The following DPY19L4 variants were observed in gnomAD, a reference collection of about 807,000 sequenced individuals.
DPY19L4 encodes probable C-mannosyltransferase DPY19L4.
In DPY19L4, 97 loss-of-function variants were observed where a neutral mutation model predicts 102.8. That is an observed-to-expected ratio of 0.94 (90% CI 0.80 to 1.12). The LOEUF is 1.12. Ranked by LOEUF, DPY19L4 falls within the 50% of genes most tolerant of loss-of-function variation. The pLI is 0.00. For missense variants in DPY19L4, 815 were observed against 850.4 expected, an observed-to-expected ratio of 0.96 and a Z score of 0.52; for synonymous variants, 252 against 283.1, an observed-to-expected ratio of 0.89 and a Z score of 1.10.
chr8:94,720,014 G>A lies in DPY19L4; in HGVS notation c.16G>A (p.Gly6Arg). The A allele has an allele frequency of 6.5e-7, 1 of 1,531,990 alleles. No individual in the cohort carries two copies. Among genetic ancestry groups the A allele is most frequent in the Non-Finnish European group, 8.8e-7 (1 of 1,140,858 alleles). The allele number at this position is 1,531,990 out of a possible 1,614,324, so 94.9% of individuals were successfully genotyped here. Residue 6 changes from glycine to arginine, a missense_variant and splice_region_variant, in exon 1 of 19, where the codon GGA becomes AGA. Transcript: ENST00000414645. ...CGCAGAAACGATGGCGGAGGAAGAAGGTGATTGCCGCGGGGTCCAGCGCGC... is the reference window on the plus strand; with the variant it reads ...CGCAGAAACGATGGCGGAGGAAGAAAGTGATTGCCGCGGGGTCCAGCGCGC... MAEEE[G>R]PPVELRQRKK...
At position 94,722,949 on chromosome 8, in the gene DPY19L4, G is replaced by A. The variant is rs186561181; in HGVS notation, c.16+2935G>A. On this transcript the variant is annotated intron_variant, in intron 1 of 18. Transcript: ENST00000414645. ...GTGTTTATATTTATGCTTTCTGAAC[G>A]CAATGTTAGAGCAAAGAAAGAAGTG... 5.9e-5 allele frequency among the ~76,000 whole-genome samples: 9 copies of A among 152,258 alleles called. No homozygotes were observed. In the East Asian group the frequency reaches 1.5e-3, roughly 26 times the overall value.
chr8:94,770,517 T>A lies in DPY19L4; in HGVS notation c.1400T>A (p.Ile467Asn). 6.2e-7 allele frequency: 1 copy of A among 1,613,876 alleles called. No homozygotes were observed. Among genetic ancestry groups the A allele is most frequent in the Non-Finnish European group, 8.5e-7 (1 of 1,179,920 alleles). Residue 467 changes from isoleucine to asparagine, a missense_variant, in exon 13 of 19, where the codon ATT becomes AAT. Transcript: ENST00000414645. ...CGAATTGGAGAAAGACCAGAAATAA[T>A]TTATCATGTAATTCACACTATTTTA... is the stretch of plus-strand genomic sequence containing the variant. The part of the protein sequence containing the change: ...DGRIGERPEI[I>N]YHVIHTILLG...
At chr8:94,777,851 C>A in intron 14 of DPY19L4, 65 bp downstream of exon 14, 1 of 1,518,476 alleles carries the variant, frequency 6.6e-7, no homozygotes, top group Non-Finnish European at 8.9e-7. Flanking sequence ...TAAATGGAAA[C>A]TACATTGAAT....
At chr8:94,773,622 G>T (rs1284123466) in intron 13 of DPY19L4, among the ~76,000 whole-genome samples, 2 of 151,866 alleles carry the variant, frequency 1.3e-5, no homozygotes, top group African/African-American at 4.8e-5. Context: ...TAGAGATGGG[G>T]TTTCTTCATG....
chr8:94,764,039 T>C (rs1259835930), intron 8 of DPY19L4, among the ~76,000 whole-genome samples: 1 of 152,224 alleles, frequency 6.6e-6, no homozygotes, highest in Non-Finnish European at 1.5e-5. Flanking sequence ...AACTTTGTTA[T>C]GCTCACTAGT....
chr8:94,793,699 T>G lies in DPY19L4; in HGVS notation c.*3789T>G, dbSNP rs60370380. On this transcript the variant is annotated 3_prime_UTR_variant, in exon 19 of 19. Coordinates refer to ENST00000414645, the MANE Select transcript of DPY19L4 (RefSeq NM_181787.3). The stretch of plus-strand genomic sequence containing the variant: ...TCAAACAGGATCTCATTAGTATGTT[T>G]TTTAATGTGTAGAATTAACACTTTA... 1 of 152,304 alleles carries G rather than the reference T, an allele frequency of 6.6e-6. No homozygotes were observed. The highest frequency in any genetic ancestry group is 1.9e-4 in the East Asian group (1 of 5,194). The allele number at this position is 152,304 out of a possible 1,614,324, so 9.4% of individuals were successfully genotyped here. A position where few individuals can be genotyped will look rare whatever the true frequency, so the allele number is the denominator to read the frequency against.
rs964669273 is a variant in DPY19L4 at position 94,777,757 on chromosome 8, C to T, written c.1546C>T (p.Arg516Ter). Residue 516 changes from arginine (R) to a stop codon, truncating the protein, a stop_gained, in exon 14 of 19, where the codon CGA becomes TGA. Transcript: ENST00000414645. LOFTEE classifies it high-confidence loss of function. The stretch of plus-strand genomic sequence containing the variant: ...TTGGATGACACTTTTCAAGTGGCTT[C>T]GATTAAGAACTGTACACCCAATATT... ...ELWMTLFKWL[R>*]LRTVHPILLA... 11 of 1,613,614 alleles carry T rather than the reference C, an allele frequency of 6.8e-6. No homozygotes were observed. The highest frequency in any genetic ancestry group is 3.3e-5 in the South Asian group (3 of 91,050).
chr8:94,788,081 ATG>A, intron 18 of DPY19L4, 29 bp downstream of exon 18: 2 of 1,148,480 alleles, frequency 1.7e-6, no homozygotes, highest in South Asian at 2.9e-5. Flanking sequence ...AGTTATATAT[ATG>A]TATATATATA....
At chr8:94,737,094 A>C (rs1162247772) in intron 3 of DPY19L4, among the ~76,000 whole-genome samples, 4 of 152,226 alleles carry the variant, frequency 2.6e-5, no homozygotes, top group Non-Finnish European at 4.4e-5. Flanking sequence ...AAGAAAATTC[A>C]AACATGTCTT....
intron 15 of DPY19L4, 25 bp from the exon 16 acceptor site, chr8:94,781,059 T>TC: frequency 7.4e-7 from 1 of 1,353,508 alleles, no homozygotes. Context: ...TTTGGGGATT[T>TC]TTTTTTTTTT....
At chr8:94,731,875 C>T (rs1034478882) in intron 2 of DPY19L4, among the ~76,000 whole-genome samples, 1 of 152,192 alleles carries the variant, frequency 6.6e-6, no homozygotes, top group Non-Finnish European at 1.5e-5. Context: ...TCACGCCATT[C>T]TCCCGCCTCA....
chr8:94,719,953 C>T lies in DPY19L4; in HGVS notation c.-46C>T. 6.7e-7 allele frequency: 1 copy of T among 1,500,554 alleles called. No homozygotes were observed. 93.0% of individuals were successfully genotyped at this position (1,500,554 alleles called of 1,614,324 possible). ...TCGGCGACGCGGAGGGAGGGAGAGT[C>T]TGGGCCGCGCGGGAGCCGCAGGGCG... On this transcript the variant is annotated 5_prime_UTR_variant, in exon 1 of 19. Coordinates refer to ENST00000414645, the MANE Select transcript of DPY19L4 (RefSeq NM_181787.3).
In DPY19L4 at chr8:94,788,095, A is replaced by ATATATATATATATATATATTTTTTTT. The variant is rs778540423; in HGVS notation, c.2007+44_2007+45insATATATATATATATATATTTTTTTTT. ...AAGTTATATATATGTATATATATAT[A>ATATATATATATATATATATTTTTTTT]TTTTTTTTTTAGAAAAATGACTTTA... On this transcript the variant is annotated intron_variant, in intron 18 of 18. Coordinates refer to ENST00000414645, the MANE Select transcript of DPY19L4 (RefSeq NM_181787.3). 4 of 939,262 alleles carry ATATATATATATATATATATTTTTTTT rather than the reference A, an allele frequency of 4.3e-6. No individual in the cohort carries two copies. The African/African-American group carries it at 9.3e-5, about 22-fold the overall frequency. The allele number at this position is 939,262 out of a possible 1,614,324, so 58.2% of individuals were successfully genotyped here. A position where few individuals can be genotyped will look rare whatever the true frequency, so the allele number is the denominator to read the frequency against.
Position 94,787,906 on chromosome 8 carries a change from T to C in DPY19L4, c.1861T>C (p.Tyr621His). ...LKRNENIYQI[Y>H]SKRSAEDIYK... Reference sequence around the variant, plus strand: ...TATATTCTTTCAGATCTACCAAATCTATTCAAAGCGATCTGCTGAGGATAT... The same window carrying C: ...TATATTCTTTCAGATCTACCAAATCCATTCAAAGCGATCTGCTGAGGATAT... The change falls in exon 18 of 19, where the codon TAT (tyrosine) becomes CAT (histidine). Residue 621 changes from tyrosine (Y) to histidine (H), a missense_variant. Physicochemically the swap from Tyr to His is moderately conservative, Grantham distance 83. Coordinates refer to ENST00000414645, the MANE Select transcript of DPY19L4 (RefSeq NM_181787.3). 7.2e-7 allele frequency: 1 copy of C among 1,393,544 alleles called. No individual in the cohort carries two copies. The highest frequency in any genetic ancestry group is 9.4e-7 in the Non-Finnish European group (1 of 1,068,992). The allele number at this position is 1,393,544 out of a possible 1,614,324, so 86.3% of individuals were successfully genotyped here. A position where few individuals can be genotyped will look rare whatever the true frequency, so the allele number is the denominator to read the frequency against.
chr8:94,740,517 C>T (rs923549990), intron 6 of DPY19L4, among the ~76,000 whole-genome samples: 10 of 152,004 alleles, frequency 6.6e-5, no homozygotes, highest in Non-Finnish European at 1.5e-4. Context: ...TGCAGTGGTG[C>T]GATCTCGGCT....
chr8:94,748,055 C>T (rs1443366442), intron 6 of DPY19L4, among the ~76,000 whole-genome samples: 3 of 152,162 alleles, frequency 2.0e-5, no homozygotes, highest in Admixed American at 2.0e-4. Context: ...TTGATTTTGT[C>T]ACCTCCCACT....
intron 13 of DPY19L4, among the ~76,000 whole-genome samples, chr8:94,773,269 ATTC>A (rs1188195744): frequency 6.6e-6 from 1 of 151,584 alleles, no homozygotes; most frequent in Non-Finnish European, 1.5e-5. Flanking sequence ...AAAGTTAATT[ATTC>A]TTAAGTTGTA....
At chr8:94,745,910 A>G (rs1811650202) in intron 6 of DPY19L4, among the ~76,000 whole-genome samples, 1 of 152,070 alleles carries the variant, frequency 6.6e-6, no homozygotes, top group African/African-American at 2.4e-5. Context: ...ATGAGCCACC[A>G]CACCCACCTA....
intron 2 of DPY19L4, among the ~76,000 whole-genome samples, chr8:94,734,282 A>T (rs1208070967): frequency 1.3e-5 from 2 of 151,872 alleles, no homozygotes; most frequent in African/African-American, 4.8e-5. Flanking sequence ...CCTGACCTCA[A>T]GTGATCTGCC....
Sources: allele counts gnomAD v4.1 joint callset (sites outside exome capture counted in the v4.1 genomes callset), GRCh38; gene constraint gnomAD v4.1.1; transcripts MANE v1.5; gene names NCBI Gene and HGNC (gene_info 2026-07-23, HGNC 2026-07-21).